The following SMYD3 variants were observed in gnomAD, a reference collection of about 807,000 sequenced individuals.
SMYD3 encodes the protein SET and MYND domain containing 3.
In SMYD3, 36 loss-of-function variants were observed where a neutral mutation model predicts 57.7. The observed-to-expected ratio is 0.62, with a 90% confidence interval of 0.48 to 0.82. The LOEUF is 0.82. Among genes scored for constraint, SMYD3 ranks in the 40% least tolerant of loss-of-function variants. The pLI, the probability that SMYD3 is intolerant of heterozygous loss-of-function variation, is 0.00. For missense variants in SMYD3, 515 were observed against 538.8 expected (o/e 0.96, Z 0.44); for synonymous variants, 211 against 195.0 (o/e 1.08, Z -0.68).
chr1:246,032,390 G>A (rs531306707), intron 5 of SMYD3, among the ~76,000 whole-genome samples: 4 of 152,206 alleles, frequency 2.6e-5, no homozygotes, highest in South Asian at 2.1e-4. Flanking sequence ...CATATTTGCC[G>A]CTAACACACC....
intron 10 of SMYD3, among the ~76,000 whole-genome samples, chr1:245,781,600 C>T (rs887074178): frequency 1.2e-4 from 19 of 152,282 alleles, no homozygotes; most frequent in African/African-American, 4.6e-4. Context: ...AAGGTAGTTG[C>T]TATTACATTA....
At chr1:246,258,464 C>G (rs765478638) in intron 5 of SMYD3, among the ~76,000 whole-genome samples, 1 of 152,162 alleles carries the variant, frequency 6.6e-6, no homozygotes, top group Non-Finnish European at 1.5e-5. Context: ...TTTATTTCTT[C>G]TTCATTTATG....
At chr1:245,837,970 A>G (rs959760187) in intron 10 of SMYD3, among the ~76,000 whole-genome samples, 2 of 152,252 alleles carry the variant, frequency 1.3e-5, no homozygotes, top group African/African-American at 4.8e-5. Context: ...CAGGGCAGAC[A>G]TTGATTTTCC....
intron 5 of SMYD3, among the ~76,000 whole-genome samples, chr1:245,990,246 C>T (rs979386601): frequency 3.3e-5 from 5 of 152,062 alleles, no homozygotes; most frequent in African/African-American, 4.8e-5. Context: ...TGCACCACCA[C>T]ACCTGGACAA....
At chr1:246,466,984 A>G (rs755741142) in intron 1 of SMYD3, among the ~76,000 whole-genome samples, 43 of 152,244 alleles carry the variant, frequency 2.8e-4, no homozygotes, top group Admixed American at 6.5e-4. Flanking sequence ...TCTGGCCATC[A>G]TGGCAAAACC....
At chr1:246,096,924 T>C (rs1052009639) in intron 5 of SMYD3, among the ~76,000 whole-genome samples, 2 of 152,212 alleles carry the variant, frequency 1.3e-5, no homozygotes, top group African/African-American at 4.8e-5. Context: ...CTAGATATTA[T>C]TTATCCAAGT....
At position 246,393,674 on chromosome 1, in the gene SMYD3, TAAA is replaced by T. The variant is rs796510890; in HGVS notation, c.165-38583_165-38581del. Among the ~76,000 whole-genome samples, 102 of 92,376 alleles carry T rather than the reference TAAA, an allele frequency of 1.1e-3. 2 individuals carry two copies. The highest frequency in any genetic ancestry group is 5.4e-3 in the South Asian group (13 of 2,386). 60.6% of individuals were successfully genotyped at this position (92,376 alleles called of 152,430 possible). On this transcript the variant is annotated intron_variant, in intron 1 of 11. Coordinates refer to ENST00000490107, the MANE Select transcript of SMYD3 (RefSeq NM_001167740.2). Reference sequence around the variant, plus strand: ...AGCAACATAGCGTGACCCCCATCTCTAAAAAAAAAAAAAAAAAAAAAAAAAAAT... The same window carrying T: ...AGCAACATAGCGTGACCCCCATCTCTAAAAAAAAAAAAAAAAAAAAAAAAT...
intron 5 of SMYD3, among the ~76,000 whole-genome samples, chr1:246,011,224 T>C (rs1164138220): frequency 6.6e-6 from 1 of 152,126 alleles, no homozygotes; most frequent in Non-Finnish European, 1.5e-5. Context: ...GCTGAAGAAA[T>C]TGCCAAAGGT....
chr1:245,979,163 T>C (rs956334608), intron 5 of SMYD3, among the ~76,000 whole-genome samples: 4 of 152,076 alleles, frequency 2.6e-5, no homozygotes, highest in African/African-American at 9.7e-5. Context: ...CAGAAATAGC[T>C]TGAAGAAAGA....
At chr1:245,831,265 G>T (rs2049816143) in intron 10 of SMYD3, among the ~76,000 whole-genome samples, 1 of 152,180 alleles carries the variant, frequency 6.6e-6, no homozygotes. Flanking sequence ...TGGCTAAAAT[G>T]TAGCTGCTCT....
At chr1:246,466,894 G>A (rs1372661181) in intron 1 of SMYD3, among the ~76,000 whole-genome samples, 3 of 151,886 alleles carry the variant, frequency 2.0e-5, no homozygotes, top group African/African-American at 4.8e-5. Context: ...AATGCTGGGC[G>A]CAGTGGCTCA....
At chr1:246,244,711 A>G (rs12402506) in intron 5 of SMYD3, among the ~76,000 whole-genome samples, 6,855 of 152,226 alleles carry the variant, frequency 0.045, 435 homozygotes, top group Admixed American at 0.18. Context: ...GTTGTGTAAA[A>G]AGGGACAAGA....
chr1:246,246,465 T>C lies in SMYD3; in HGVS notation c.531+80736A>G, dbSNP rs1200163099. Reference sequence around the variant, plus strand: ...GGGTACCAATCCCAAGTAATATGATTTCTAAAATGAAGTCATTATCATAAG... The same window carrying C: ...GGGTACCAATCCCAAGTAATATGATCTCTAAAATGAAGTCATTATCATAAG... On this transcript the variant is annotated intron_variant, in intron 5 of 11. Coordinates refer to ENST00000490107, the MANE Select transcript of SMYD3 (RefSeq NM_001167740.2). Among the ~76,000 whole-genome samples the C allele has an allele frequency of 2.0e-5, 3 of 152,168 alleles. No individual in the cohort carries two copies. The East Asian group carries it at 5.8e-4, about 29-fold the overall frequency.
At chr1:246,217,848 T>G (rs2063189030) in intron 5 of SMYD3, among the ~76,000 whole-genome samples, 1 of 152,050 alleles carries the variant, frequency 6.6e-6, no homozygotes, top group African/African-American at 2.4e-5. Context: ...ACGAATGAAG[T>G]CAACTTTCAG....
chr1:246,394,758 T>C (rs2148774213), intron 1 of SMYD3, among the ~76,000 whole-genome samples: 1 of 151,906 alleles, frequency 6.6e-6, no homozygotes, highest in Middle Eastern at 3.4e-3. Context: ...CAAACTTAGC[T>C]AAGCTTTATG....
chr1:245,949,786 G>A (rs2057555749), intron 5 of SMYD3, among the ~76,000 whole-genome samples: 2 of 151,998 alleles, frequency 1.3e-5, no homozygotes, highest in South Asian at 4.2e-4. Flanking sequence ...TCCAGCCTGG[G>A]CAACAGAGTG....
intron 5 of SMYD3, among the ~76,000 whole-genome samples, chr1:246,152,554 C>T (rs112523618): frequency 3.3e-5 from 5 of 152,238 alleles, no homozygotes; most frequent in Admixed American, 2.0e-4. Context: ...CTATGTTTTA[C>T]GCACTGAGTG....
At chr1:245,920,945 CCTAAA>C (rs1481055247) in intron 7 of SMYD3, among the ~76,000 whole-genome samples, 2 of 152,120 alleles carry the variant, frequency 1.3e-5, no homozygotes, top group African/African-American at 2.4e-5. Context: ...ACAAGTGGGA[CCTAAA>C]CTAAAGAGTT....
chr1:246,494,694 A>C (rs2068328988), intron 1 of SMYD3, among the ~76,000 whole-genome samples: 2 of 152,250 alleles, frequency 1.3e-5, no homozygotes, highest in Non-Finnish European at 2.9e-5. Flanking sequence ...CTTTCTAACA[A>C]GACGTAAACA....
Sources: gnomAD v4.1 joint callset for allele counts (sites outside exome capture counted in the v4.1 genomes callset) on GRCh38, gnomAD v4.1.1 for gene constraint, MANE v1.5 for transcripts, NCBI Gene and HGNC (gene_info 2026-07-23, HGNC 2026-07-21) for gene names.